Variants in ZCCHC8 observed in about 807,000 individuals in gnomAD.
ZCCHC8 encodes zinc finger CCHC domain-containing protein 8.
In ZCCHC8, 27 loss-of-function variants were observed where a neutral mutation model predicts 70.6. The ratio of observed to expected loss-of-function variants is 0.38; its 90% CI spans 0.28 to 0.53. The LOEUF (loss-of-function observed/expected upper bound fraction) is 0.53. Among genes scored for constraint, ZCCHC8 ranks in the 20% least tolerant of loss-of-function variants. ZCCHC8 has a pLI of 0.81. For missense variants in ZCCHC8, 737 were observed against 876.9 expected (o/e 0.84, Z 2.01); for synonymous variants, 293 against 317.4 (o/e 0.92, Z 0.82).
At chr12:122,485,115 T>C (rs917267768) in intron 5 of ZCCHC8, among the ~76,000 whole-genome samples, 23 of 152,166 alleles carry the variant, frequency 1.5e-4, no homozygotes, top group Non-Finnish European at 2.4e-4. Context: ...AAGTTATTAT[T>C]ATTATTTTTT....
chr12:122,480,580 T>C, intron 10 of ZCCHC8: 1 of 267,846 alleles, frequency 3.7e-6, no homozygotes. Context: ...CAAGTGATCC[T>C]CCCACCTCAG....
chr12:122,480,472 ACT>A, intron 10 of ZCCHC8, 161 bp from the exon 11 acceptor site: 1 of 494,658 alleles, frequency 2.0e-6, no homozygotes, highest in Non-Finnish European at 3.1e-6. Flanking sequence ...TTAGGACAGA[ACT>A]TTTTTTTTTT....
chr12:122,479,673 C>CTA (rs1384916581), intron 11 of ZCCHC8, among the ~76,000 whole-genome samples: 1 of 152,108 alleles, frequency 6.6e-6, no homozygotes, highest in Non-Finnish European at 1.5e-5. Context: ...TTTAGATACT[C>CTA]TAACCAATCT....
At chr12:122,490,374 G>T in intron 4 of ZCCHC8, 88 bp downstream of exon 4, 2 of 1,064,426 alleles carry the variant, frequency 1.9e-6, no homozygotes, top group Non-Finnish European at 2.8e-6. Flanking sequence ...AATCATTTTG[G>T]TTTTGATTCA....
chr12:122,486,412 CAAAAAAA>C (rs762392385), intron 5 of ZCCHC8, among the ~76,000 whole-genome samples: 76 of 50,868 alleles, frequency 1.5e-3, no homozygotes, highest in Middle Eastern at 0.012. Flanking sequence ...GAGGCTGTCT[CAAAAAAA>C]AAAAAAAAAA....
Position 122,483,898 on chromosome 12 carries a change from A to G in ZCCHC8, c.502-335T>C. ...TCTTTGCAAGACATGCAGACCCTTT[A>G]GTTATTGTTTCCATTTCCTTTCTTC... On this transcript the variant is annotated intron_variant, in intron 5 of 13. Transcript: ENST00000633063. This position sits in a 1 kb window ranked among gnomAD's most constrained non-coding sequence, Gnocchi z 4.4. 4.7e-6 allele frequency: 1 copy of G among 211,492 alleles called. No individual in the cohort carries two copies. Among genetic ancestry groups the G allele is most frequent in the South Asian group, 9.8e-5 (1 of 10,226 alleles). The allele number at this position is 211,492 out of a possible 1,614,324, so 13.1% of individuals were successfully genotyped here. A position where few individuals can be genotyped will look rare whatever the true frequency, so the allele number is the denominator to read the frequency against.
chr12:122,486,262 A>AC (rs1306787645), intron 5 of ZCCHC8, among the ~76,000 whole-genome samples: 1 of 151,272 alleles, frequency 6.6e-6, no homozygotes, highest in Non-Finnish European at 1.5e-5. Flanking sequence ...AAAATACAAA[A>AC]ATTAGCCAGG....
rs996635401 is a variant in ZCCHC8 at position 122,486,387 on chromosome 12, T to C, written c.502-2824A>G. Among the ~76,000 whole-genome samples the C allele has an allele frequency of 3.4e-5, 4 of 117,688 alleles. No homozygotes were observed. The Admixed American group carries it at 4.9e-4, about 14-fold the overall frequency. The allele number at this position is 117,688 out of a possible 152,430, so 77.2% of individuals were successfully genotyped here. A position where few individuals can be genotyped will look rare whatever the true frequency, so the allele number is the denominator to read the frequency against. ...GAGATTGTGCCATGGCACTCTAGCC[T>C]GGGTGACAGAGCGAGAGGCTGTCTC... On this transcript the variant is annotated intron_variant, in intron 5 of 13. Transcript: ENST00000633063.
chr12:122,484,878 C>T (rs1957603844), intron 5 of ZCCHC8, among the ~76,000 whole-genome samples: 1 of 152,132 alleles, frequency 6.6e-6, no homozygotes, highest in Admixed American at 6.6e-5. Context: ...TTCTTCCTTC[C>T]TCCTAAAAAC....
intron 3 of ZCCHC8, 85 bp downstream of exon 3, chr12:122,492,630 G>A (rs2077848703): frequency 3.6e-6 from 3 of 842,344 alleles, no homozygotes; most frequent in Non-Finnish European, 5.6e-6. Flanking sequence ...AAAATGATAT[G>A]AGTACAAATG....
At chr12:122,481,383 C>T (rs928427462) in intron 10 of ZCCHC8, 139 bp downstream of exon 10, 7 of 1,147,796 alleles carry the variant, frequency 6.1e-6, no homozygotes, top group African/African-American at 1.6e-5. Context: ...TAAAATTTAC[C>T]AAGGAAACAT....
chr12:122,499,011 C>A, intron 1 of ZCCHC8, 142 bp from the exon 2 acceptor site: 1 of 790,174 alleles, frequency 1.3e-6, no homozygotes, highest in Non-Finnish European at 2.1e-6. Flanking sequence ...ACTTATTGAG[C>A]TTCTATTTTG....
rs1390559111 is a variant in ZCCHC8, at chr12:122,500,588, G to A, written c.199+54C>T. ...CGGCGCTGCCCCGGCCCCACGCCTG[G>A]CGCTGCCCCGGCCCCACACCCGGGT... On this transcript the variant is annotated intron_variant, in intron 1 of 13. Coordinates refer to ENST00000633063, the MANE Select transcript of ZCCHC8 (RefSeq NM_017612.5). This position sits in a 1 kb window ranked among gnomAD's most constrained non-coding sequence, Gnocchi z 4.8. 3.3e-6 allele frequency: 5 copies of A among 1,510,574 alleles called. No homozygotes were observed. The East Asian group carries it at 9.9e-5, about 30-fold the overall frequency. 93.6% of individuals were successfully genotyped at this position (1,510,574 alleles called of 1,614,324 possible).
At chr12:122,492,658 G>C in intron 3 of ZCCHC8, 57 bp downstream of exon 3, 1 of 1,111,310 alleles carries the variant, frequency 9.0e-7, no homozygotes, top group Non-Finnish European at 1.3e-6. Flanking sequence ...CATATTTATA[G>C]AGAAAATTGT....
At chr12:122,482,765 T>C (rs1385198374) in intron 7 of ZCCHC8, 70 bp from the exon 8 acceptor site, 6 of 1,338,570 alleles carry the variant, frequency 4.5e-6, no homozygotes, top group African/African-American at 1.5e-5. Flanking sequence ...TAAAATTCTA[T>C]ATGACAGCAA....
At chr12:122,477,801 A>AG (rs771471958) in intron 13 of ZCCHC8, 40 bp downstream of exon 13, 1 of 1,483,322 alleles carries the variant, frequency 6.7e-7, no homozygotes, top group East Asian at 2.3e-5. Flanking sequence ...AAAAAAAAAA[A>AG]AAAAAAAGAG....
At chr12:122,490,350 T>G (rs1957723179) in intron 4 of ZCCHC8, 112 bp downstream of exon 4, 4 of 815,552 alleles carry the variant, frequency 4.9e-6, no homozygotes, top group Non-Finnish European at 6.0e-6. Context: ...GAAGGAGAAG[T>G]GGTAAACGGT....
intron 2 of ZCCHC8, among the ~76,000 whole-genome samples, chr12:122,497,205 C>T (rs1263276962): frequency 1.3e-5 from 2 of 152,096 alleles, no homozygotes; most frequent in African/African-American, 2.4e-5. Flanking sequence ...AACCTGTAGT[C>T]ACCACTGCAG....
intron 1 of ZCCHC8, chr12:122,499,869 C>T (rs1957891266): frequency 6.6e-6 from 1 of 152,088 alleles, no homozygotes; most frequent in Non-Finnish European, 1.5e-5. Context: ...AAAAAGCTAA[C>T]ATATCAGCCA....
Sources: allele counts gnomAD v4.1 joint callset (sites outside exome capture counted in the v4.1 genomes callset), GRCh38; gene constraint gnomAD v4.1.1; non-coding constraint Gnocchi (gnomAD v3.1); transcripts MANE v1.5; gene names NCBI Gene and HGNC (gene_info 2026-07-23, HGNC 2026-07-21).